AKAP13: variants seen among roughly 807,000 people sequenced by gnomAD.
The protein encoded by AKAP13 is A-kinase anchor protein 13.
In AKAP13, 80 loss-of-function variants were observed where a neutral mutation model predicts 264.5. That is an observed-to-expected ratio of 0.30 (90% confidence interval 0.25 to 0.36). The LOEUF is 0.36. Among genes scored for constraint, AKAP13 ranks in the 10% least tolerant of loss-of-function variants. The pLI is 1.00. For synonymous variants in AKAP13, 1,380 were observed against 1,250.2 expected, an observed-to-expected ratio of 1.10 and a Z score of -2.19; for missense variants, 3,712 against 3,435.2, an observed-to-expected ratio of 1.08 and a Z score of -2.01.
At chr15:85,609,653 T>C (rs186962136) in intron 8 of AKAP13, among the ~76,000 whole-genome samples, 33 of 152,354 alleles carry the variant, frequency 2.2e-4, no homozygotes, top group African/African-American at 7.7e-4. Context: ...GGTTTTCTTC[T>C]TGCATCATCT....
At chr15:85,623,709 G>GTTGATAGTTGATAC (rs1463946265) in intron 8 of AKAP13, among the ~76,000 whole-genome samples, 1 of 152,204 alleles carries the variant, frequency 6.6e-6, no homozygotes, top group African/African-American at 2.4e-5. Context: ...TAAGTTGATA[G>GTTGATAGTTGATAC]TATTCCTTGG....
At chr15:85,565,710 C>A (rs1337941020) in intron 5 of AKAP13, among the ~76,000 whole-genome samples, 1 of 152,210 alleles carries the variant, frequency 6.6e-6, no homozygotes, top group Non-Finnish European at 1.5e-5. Flanking sequence ...CATTCAGATA[C>A]ACCTAGGATT....
At chr15:85,563,422 C>T (rs963852087) in intron 5 of AKAP13, among the ~76,000 whole-genome samples, 8 of 144,388 alleles carry the variant, frequency 5.5e-5, no homozygotes, top group African/African-American at 2.0e-4. Flanking sequence ...TCAACGCTCA[C>T]TATTCTGTTG....
chr15:85,536,699 T>C (rs2077410811), intron 4 of AKAP13: 1 of 152,244 alleles, frequency 6.6e-6, no homozygotes, highest in Admixed American at 6.5e-5. Context: ...AAATGCATTA[T>C]GCGGGAAAAT....
At chr15:85,592,067 T>A (rs1596633094) in intron 8 of AKAP13, among the ~76,000 whole-genome samples, 2 of 116,874 alleles carry the variant, frequency 1.7e-5, no homozygotes, top group African/African-American at 6.6e-5. Context: ...TTTTTTTTTT[T>A]GGCAATTATA....
Position 85,741,390 on chromosome 15 carries a change from G to C in AKAP13, c.7953G>C (p.Leu2651=). ...QQKKGTYQYD[L]ERLRAAQKQL... ...AGAAGGGCACATACCAGTATGACCT[G>C]GAGCGACTGCGTGCTGCCCAGAAAC... The change falls in exon 35 of 37, where the codon CTG becomes CTC. Residue 2651 remains leucine (L), a synonymous_variant. Coordinates refer to ENST00000394518, the MANE Select transcript of AKAP13 (RefSeq NM_007200.5). 1 of 1,614,016 alleles carries C rather than the reference G, an allele frequency of 6.2e-7. No homozygotes were observed. The highest frequency in any genetic ancestry group is 8.5e-7 in the Non-Finnish European group (1 of 1,179,952).
At chr15:85,682,529 T>C (rs2084653212) in intron 15 of AKAP13, among the ~76,000 whole-genome samples, 1 of 152,198 alleles carries the variant, frequency 6.6e-6, no homozygotes, top group South Asian at 2.1e-4. Flanking sequence ...AATCTAACAG[T>C]CTAAACAACA....
intron 2 of AKAP13, among the ~76,000 whole-genome samples, chr15:85,504,529 A>AAAAAAAAAAAAAAG (rs2076142378): frequency 7.3e-6 from 1 of 136,788 alleles, no homozygotes; most frequent in Non-Finnish European, 1.6e-5. Context: ...AAAAAAAAAA[A>AAAAAAAAAAAAAAG]AAAAAAGAAA....
chr15:85,597,052 C>G (rs758776445), intron 8 of AKAP13, among the ~76,000 whole-genome samples: 94 of 152,136 alleles, frequency 6.2e-4, no homozygotes, highest in Non-Finnish European at 9.7e-4. Context: ...TGTCCTGTTC[C>G]CTTTTGATTT....
At chr15:85,404,688 G>T (rs915814430) in intron 1 of AKAP13, among the ~76,000 whole-genome samples, 10 of 152,126 alleles carry the variant, frequency 6.6e-5, no homozygotes, top group African/African-American at 2.2e-4. Context: ...TTGTAAAGTT[G>T]TACTTGTATA....
At chr15:85,496,369 A>T (rs2075874091) in intron 2 of AKAP13, among the ~76,000 whole-genome samples, 1 of 152,146 alleles carries the variant, frequency 6.6e-6, no homozygotes, top group African/African-American at 2.4e-5. Context: ...TTGCGCGTAG[A>T]TTAACTTGCT....
chr15:85,740,364 A>G (rs1451434100), intron 34 of AKAP13, 92 bp downstream of exon 34: 1 of 1,455,708 alleles, frequency 6.9e-7, no homozygotes, highest in African/African-American at 1.4e-5. Context: ...GGTTTGCAGG[A>G]TGTTTAATGG....
At chr15:85,678,699 T>G (rs973403309) in intron 14 of AKAP13, among the ~76,000 whole-genome samples, 5 of 151,388 alleles carry the variant, frequency 3.3e-5, no homozygotes, top group Admixed American at 2.6e-4. Flanking sequence ...ATGTCTCTAC[T>G]AAAACAAACA....
At chr15:85,504,739 C>T (rs1477820132) in intron 2 of AKAP13, among the ~76,000 whole-genome samples, 1 of 150,920 alleles carries the variant, frequency 6.6e-6, no homozygotes, top group South Asian at 2.1e-4. Context: ...GCATTTTAGC[C>T]AAATATATGG....
intron 8 of AKAP13, chr15:85,619,937 A>G (rs2081101169): frequency 2.1e-6 from 3 of 1,439,060 alleles, no homozygotes; most frequent in East Asian, 5.0e-5. Context: ...ATTGTTTTTG[A>G]CCCCTTTGAG....
rs575095455 is a variant in AKAP13 at position 85,707,740 on chromosome 15, C to A, written c.5465-279C>A. Among the ~76,000 whole-genome samples the A allele has an allele frequency of 1.1e-4, 17 of 151,966 alleles. No homozygotes were observed. The East Asian group carries it at 1.9e-3, about 17-fold the overall frequency. ...ACCCTTCCCATCAGATCACTTGAGTCGTTGTTCCTCTCATTAAGCTGTAAT... is the reference window on the plus strand; with the variant it reads ...ACCCTTCCCATCAGATCACTTGAGTAGTTGTTCCTCTCATTAAGCTGTAAT... On this transcript the variant is annotated intron_variant, in intron 17 of 36. Coordinates refer to ENST00000394518, the MANE Select transcript of AKAP13 (RefSeq NM_007200.5).
intron 1 of AKAP13, among the ~76,000 whole-genome samples, chr15:85,418,251 T>C (rs1019727707): frequency 2.6e-5 from 4 of 152,000 alleles, no homozygotes; most frequent in African/African-American, 9.7e-5. Flanking sequence ...AATTATTTTA[T>C]ATTTTGTTTT....
chr15:85,419,612 T>C (rs761959678), intron 1 of AKAP13, among the ~76,000 whole-genome samples: 6 of 152,162 alleles, frequency 3.9e-5, no homozygotes, highest in Admixed American at 1.3e-4. Flanking sequence ...TTTCCAAGTT[T>C]AGTGAGTTTT....
intron 2 of AKAP13, among the ~76,000 whole-genome samples, chr15:85,496,365 G>A (rs778958097): frequency 2.6e-5 from 4 of 152,122 alleles, no homozygotes; most frequent in Admixed American, 1.3e-4. Flanking sequence ...GACTTTGCGC[G>A]TAGATTAACT....
Sources: gnomAD v4.1 joint callset for allele counts (sites outside exome capture counted in the v4.1 genomes callset) on GRCh38, gnomAD v4.1.1 for gene constraint, MANE v1.5 for transcripts, NCBI Gene and HGNC (gene_info 2026-07-23, HGNC 2026-07-21) for gene names.